KHSRP: variants seen among roughly 807,000 people sequenced by gnomAD.
KHSRP encodes KH-type splicing regulatory protein, also known as far upstream element-binding protein 2.
KHSRP carries 13 observed loss-of-function variants against 94.9 expected under a neutral mutation model. That is an observed-to-expected ratio of 0.14 (90% confidence interval 0.09 to 0.22). The LOEUF (loss-of-function observed/expected upper bound fraction) is 0.22, where lower values mean the gene tolerates loss of function less well. Ranked by LOEUF, KHSRP falls within the 10% of genes least tolerant of loss-of-function variation. KHSRP has a pLI of 1.00. For missense variants in KHSRP, 710 were observed against 1,010.0 expected, an observed-to-expected ratio of 0.70 and a Z score of 4.03; for synonymous variants, 495 against 401.4, an observed-to-expected ratio of 1.23 and a Z score of -2.79.
At chr19:6,419,401 A>AAC (rs747861532) in intron 6 of KHSRP, 141 bp from the exon 7 acceptor site, 11 of 694,134 alleles carry the variant, frequency 1.6e-5, no homozygotes, top group Non-Finnish European at 2.3e-5. Flanking sequence ...ACTTCCCCTA[A>AAC]ACACCTGGGA....
intron 1 of KHSRP, among the ~76,000 whole-genome samples, chr19:6,423,713 G>A (rs946746549): frequency 3.9e-5 from 6 of 152,220 alleles, no homozygotes; most frequent in Admixed American, 6.5e-5. Context: ...CCAGGAGCCG[G>A]TCGGCGGCAA....
chr19:6,418,453 A>AC lies in KHSRP; in HGVS notation c.879+29dup. 6.4e-7 allele frequency: 1 copy of AC among 1,572,566 alleles called. No individual in the cohort carries two copies. The highest frequency in any genetic ancestry group is 8.7e-7 in the Non-Finnish European group (1 of 1,145,196). On this transcript the variant is annotated intron_variant, in intron 9 of 18. Transcript: ENST00000600480. The surrounding 1 kb of genome is among the most constrained non-coding windows in gnomAD (Gnocchi z 4.3). Reference sequence around the variant, plus strand: ...GCCCACCTGCCCGTGCCTCTCCAGAACCCCCTCCACCACCCCAGGGCGTGC... The same window carrying AC: ...GCCCACCTGCCCGTGCCTCTCCAGAACCCCCCTCCACCACCCCAGGGCGTGC...
chr19:6,415,976 T>C, intron 15 of KHSRP, 80 bp from the exon 16 acceptor site: 1 of 926,944 alleles, frequency 1.1e-6, no homozygotes, highest in Non-Finnish European at 1.6e-6. Flanking sequence ...GGGATGTTTT[T>C]CAGTGGGGAG....
rs554880290 is a variant in KHSRP, at chr19:6,417,005, G to A, written c.1164C>T (p.Asp388=). ...CACCTACCCTGAGGCTCTGGAGGAG[G>A]TCGTTGATGATCCGGGCTGCGTGCT... ...RCEHAARIIN[D]LLQSLRSGPP... Residue 388 remains aspartate, a synonymous_variant, in exon 12 of 19, where the codon GAC becomes GAT. Coordinates refer to ENST00000600480, the MANE Select transcript of KHSRP (RefSeq NM_001366299.1). The A allele has an allele frequency of 1.3e-4, 207 of 1,613,804 alleles. 2 individuals are homozygous for A. The South Asian group carries it at 2.0e-3, about 16-fold the overall frequency.
At position 6,414,077 on chromosome 19, in the gene KHSRP, T is replaced by G; in HGVS notation, c.*947A>C. On this transcript the variant is annotated 3_prime_UTR_variant, in exon 19 of 19. Transcript: ENST00000600480. ...CAGAACAAAATGGAAAAAAAAAAGA[T>G]TTTTCACAGATGAAGAAGTTCACAT... 1.3e-6 allele frequency: 2 copies of G among 1,595,838 alleles called. No homozygotes were observed. Among genetic ancestry groups the G allele is most frequent in the Non-Finnish European group, 8.5e-7 (1 of 1,172,348 alleles).
chr19:6,421,845 A>G (rs1032010275), intron 2 of KHSRP, 157 bp from the exon 3 acceptor site: 54 of 792,636 alleles, frequency 6.8e-5, no homozygotes, highest in Non-Finnish European at 9.8e-5. Context: ...CCCCTGAGGG[A>G]GGCCAGACCC....
rs74489818 is a variant in KHSRP at position 6,416,714 on chromosome 19, T to A, written c.1327+24A>T. The A allele has an allele frequency of 2.5e-6, 4 of 1,610,140 alleles. No individual in the cohort carries two copies. The Admixed American group carries it at 6.7e-5, about 27-fold the overall frequency. ...GGCCCAGGGAAGAGGGGGCAAGGGA[T>A]AGGGTGCAGGGGGCCACACTCACCT... On this transcript the variant is annotated intron_variant, in intron 13 of 18. Coordinates refer to ENST00000600480, the MANE Select transcript of KHSRP (RefSeq NM_001366299.1).
At position 6,418,930 on chromosome 19, in the gene KHSRP, T is replaced by C; in HGVS notation, c.606-54A>G. On this transcript the variant is annotated intron_variant, in intron 7 of 18. Transcript: ENST00000600480. The surrounding 1 kb of genome is among the most constrained non-coding windows in gnomAD (Gnocchi z 4.3). ...GGGTGCCACCGCTGGAGAAAGGTAC[T>C]GGTCTGGTGGCCCACCCAGCTCAAA... 10 of 1,482,288 alleles carry C rather than the reference T, an allele frequency of 6.7e-6. No individual in the cohort carries two copies. The highest frequency in any genetic ancestry group is 8.9e-6 in the Non-Finnish European group (10 of 1,120,534). The allele number at this position is 1,482,288 out of a possible 1,614,324, so 91.8% of individuals were successfully genotyped here. A position where few individuals can be genotyped will look rare whatever the true frequency, so the allele number is the denominator to read the frequency against.
At chr19:6,421,121 C>T in intron 4 of KHSRP, 157 bp downstream of exon 4, 1 of 674,504 alleles carries the variant, frequency 1.5e-6, no homozygotes, top group Non-Finnish European at 2.6e-6. Flanking sequence ...ACGGACACAG[C>T]TCCTCTGCCT....
intron 1 of KHSRP, 81 bp downstream of exon 1, chr19:6,424,372 G>C: frequency 1.4e-6 from 1 of 704,556 alleles, no homozygotes; most frequent in Non-Finnish European, 1.7e-6. Flanking sequence ...GACCCTGCGC[G>C]CGCGCGCGCA....
Position 6,424,615 on chromosome 19 carries a change from G to A in KHSRP, c.87C>T (p.Gly29=), listed in dbSNP as rs1202205452. ...CCGCGCCTGGCGGGCCCGGCGGAGG[G>A]CCTCCCCCGGCGCCTCCGGCTCCCC... ...GGGGAGGAGG[G]PPPGPPGAGD... The change falls in exon 1 of 19, where the codon GGC becomes GGT. Residue 29 remains glycine (G), a synonymous_variant. Coordinates refer to ENST00000600480, the MANE Select transcript of KHSRP (RefSeq NM_001366299.1). 4.1e-6 allele frequency: 4 copies of A among 966,150 alleles called. No homozygotes were observed. The highest frequency in any genetic ancestry group is 1.2e-4 in the East Asian group (1 of 8,346). The allele number at this position is 966,150 out of a possible 1,614,324, so 59.8% of individuals were successfully genotyped here. A position where few individuals can be genotyped will look rare whatever the true frequency, so the allele number is the denominator to read the frequency against.
At chr19:6,422,555 C>T (rs1169630157) in intron 1 of KHSRP, 119 bp from the exon 2 acceptor site, 2 of 700,640 alleles carry the variant, frequency 2.9e-6, no homozygotes, top group African/African-American at 1.8e-5. Context: ...GGTGTCTGGC[C>T]CTCCAACTTA....
rs1284972351 is a variant in KHSRP, at chr19:6,416,810, T to A, written c.1255A>T (p.Asn419Tyr). The A allele has an allele frequency of 6.3e-7, 1 of 1,584,142 alleles. No individual in the cohort carries two copies. The highest frequency in any genetic ancestry group is 1.4e-5 in the African/African-American group (1 of 73,556). ...GGRGRGRGQG[N>Y]WGPPGGEMTF... ...ATCTCCCCGCCAGGGGGACCCCAAT[T>A]GCCTTGGCCTCTTCCTCGGCCTCGG... Residue 419 changes from asparagine to tyrosine, a missense_variant, in exon 13 of 19, where the codon AAT (asparagine) becomes TAT (tyrosine). Physicochemically the swap from Asn to Tyr is moderately radical, Grantham distance 143. Transcript: ENST00000600480.
rs535788720 is a variant in KHSRP at position 6,413,857 on chromosome 19, T to C, written c.*1167A>G. The C allele has an allele frequency of 1.3e-4, 41 of 304,034 alleles. No individual in the cohort carries two copies. In the East Asian group the frequency reaches 2.1e-3, roughly 16 times the overall value. 18.8% of individuals were successfully genotyped at this position (304,034 alleles called of 1,614,324 possible). A position where few individuals can be genotyped will look rare whatever the true frequency, so the allele number is the denominator to read the frequency against. ...TTTTTTTTTGGCAGAGATTTAGATC[T>C]CGCTATCTTCTCTGGCTGGCTCAAC... On this transcript the variant is annotated 3_prime_UTR_variant, in exon 19 of 19. Transcript: ENST00000600480.
chr19:6,424,742 G>A lies in KHSRP; in HGVS notation c.-41C>T. ...GGCCTGGCGCGGAGGCTGAAGCTGA[G>A]GAGGCGGCGGCGGCGGCGGCGGCTC... is the stretch of plus-strand genomic sequence containing the variant. On this transcript the variant is annotated 5_prime_UTR_variant, in exon 1 of 19. Coordinates refer to ENST00000600480, the MANE Select transcript of KHSRP (RefSeq NM_001366299.1). 1 of 945,540 alleles carries A rather than the reference G, an allele frequency of 1.1e-6. No individual in the cohort carries two copies. Among genetic ancestry groups the A allele is most frequent in the Non-Finnish European group, 1.3e-6 (1 of 777,014 alleles). The allele number at this position is 945,540 out of a possible 1,614,324, so 58.6% of individuals were successfully genotyped here.
rs369293348 is a variant in KHSRP at position 6,414,075 on chromosome 19, G to T, written c.*949C>A. 6.1e-6 allele frequency: 9 copies of T among 1,466,688 alleles called. No individual in the cohort carries two copies. The highest frequency in any genetic ancestry group is 3.0e-5 in the East Asian group (1 of 33,548). 90.9% of individuals were successfully genotyped at this position (1,466,688 alleles called of 1,614,324 possible). On this transcript the variant is annotated 3_prime_UTR_variant, in exon 19 of 19. Coordinates refer to ENST00000600480, the MANE Select transcript of KHSRP (RefSeq NM_001366299.1). ...AACAGAACAAAATGGAAAAAAAAAAGATTTTTCACAGATGAAGAAGTTCAC... is the reference window on the plus strand; with the variant it reads ...AACAGAACAAAATGGAAAAAAAAAATATTTTTCACAGATGAAGAAGTTCAC...
chr19:6,419,461 A>G (rs997655913), intron 6 of KHSRP, among the ~76,000 whole-genome samples: 3 of 152,218 alleles, frequency 2.0e-5, no homozygotes, highest in Admixed American at 6.5e-5. Flanking sequence ...GAAGGGAGGT[A>G]GGACTTTAAG....
intron 5 of KHSRP, 81 bp downstream of exon 5, chr19:6,420,341 G>A (rs2092187657): frequency 1.4e-6 from 2 of 1,407,098 alleles, no homozygotes; most frequent in South Asian, 1.2e-5. Flanking sequence ...TCAGACCAGG[G>A]CTTCTGGGCT....
In KHSRP at chr19:6,415,408, C is replaced by T. The variant is rs757506555; in HGVS notation, c.1938G>A (p.Lys646=). 7 of 1,593,592 alleles carry T rather than the reference C, an allele frequency of 4.4e-6. No homozygotes were observed. The highest frequency in any genetic ancestry group is 1.3e-5 in the African/African-American group (1 of 74,532). Residue 646 remains lysine (K), a synonymous_variant, in exon 18 of 19, where the codon AAG becomes AAA. Transcript: ENST00000600480. ...GCTTCTTGTAGTACTCCTCCCAAGC[C>T]TTCGTGTAGTCCTGCTGTGGGGGTG... ...PGAPPQQDYT[K]AWEEYYKKQA...
Sources: gnomAD v4.1 joint callset for allele counts (sites outside exome capture counted in the v4.1 genomes callset) on GRCh38, gnomAD v4.1.1 for gene constraint, Gnocchi (gnomAD v3.1) non-coding constraint, MANE v1.5 for transcripts, NCBI Gene and HGNC (gene_info 2026-07-23, HGNC 2026-07-21) for gene names.